The following GRID1 variants were observed in gnomAD, a reference collection of about 807,000 sequenced individuals.
GRID1 encodes glutamate receptor ionotropic, delta-1.
GRID1 carries 28 observed loss-of-function variants against 98.0 expected under a neutral mutation model. That is an observed-to-expected ratio of 0.29 (90% CI 0.21 to 0.39). GRID1 has a LOEUF of 0.39. GRID1 is among the 10% of genes least tolerant of loss of function. The pLI, the probability that GRID1 is intolerant of heterozygous loss-of-function variation, is 1.00. For synonymous variants in GRID1, 553 were observed against 538.5 expected (o/e 1.03, Z -0.37); for missense variants, 1,111 against 1,340.5 (o/e 0.83, Z 2.67).
At position 86,192,453 on chromosome 10, in the gene GRID1, C is replaced by T. The variant is rs371293534; in HGVS notation, c.520+13911G>A. 2.9e-3 allele frequency among the ~76,000 whole-genome samples: 435 copies of T among 151,980 alleles called. 2 individuals are homozygous for T. Among genetic ancestry groups the T allele is most frequent in the African/African-American group, 0.01 (419 of 41,408 alleles). ...CCAGTCTCAAGGAACAAATACGGTA[C>T]GAGTCCACTTATATGAGGCCCCTAG... On this transcript the variant is annotated intron_variant, in intron 3 of 15. Coordinates refer to ENST00000327946, the MANE Select transcript of GRID1 (RefSeq NM_017551.3). The surrounding 1 kb of genome is among the most constrained non-coding windows in gnomAD (Gnocchi z 4.8).
chr10:85,608,091 T>C (rs1001443669), intron 15 of GRID1, among the ~76,000 whole-genome samples: 4 of 152,062 alleles, frequency 2.6e-5, no homozygotes, highest in Admixed American at 1.3e-4. Context: ...GCTGGGATTA[T>C]AGGCATGCGC....
At chr10:85,818,821 G>T (rs1446858575) in intron 8 of GRID1, among the ~76,000 whole-genome samples, 2 of 151,974 alleles carry the variant, frequency 1.3e-5, no homozygotes. Context: ...CTGTTCAAGC[G>T]AGTCTCGTGC....
At chr10:85,926,909 T>C (rs1452136746) in intron 4 of GRID1, among the ~76,000 whole-genome samples, 1 of 152,218 alleles carries the variant, frequency 6.6e-6, no homozygotes, top group Non-Finnish European at 1.5e-5. Flanking sequence ...TATGAAATGG[T>C]ACAGAAAACA....
intron 8 of GRID1, among the ~76,000 whole-genome samples, chr10:85,848,225 GTATCAT>G (rs780123366): frequency 4.6e-4 from 70 of 152,118 alleles, no homozygotes; most frequent in Non-Finnish European, 9.3e-4. Context: ...TTGAAAATAT[GTATCAT>G]GTACATCAGG....
intron 5 of GRID1, among the ~76,000 whole-genome samples, chr10:85,898,227 C>T (rs960007494): frequency 6.6e-6 from 1 of 152,094 alleles, no homozygotes; most frequent in African/African-American, 2.4e-5. Flanking sequence ...TAAAAATATG[C>T]TATGAAAGAT....
At position 85,599,802 on chromosome 10, in the gene GRID1, A is replaced by AAAATATAT; in HGVS notation, c.*2470_*2471insATATATTT. The AAAATATAT allele has an allele frequency of 6.0e-3, 390 of 64,970 alleles. 13 individuals carry two copies. The highest frequency in any genetic ancestry group is 0.046 in the South Asian group (96 of 2,072). The allele number at this position is 64,970 out of a possible 1,614,324, so 4.0% of individuals were successfully genotyped here. ...GTAGAAAATTCTAAAAAAAAAAAAA[A>AAAATATAT]ATATATATATATATATATAAACATG... On this transcript the variant is annotated 3_prime_UTR_variant, in exon 16 of 16. Transcript: ENST00000327946.
intron 3 of GRID1, among the ~76,000 whole-genome samples, chr10:86,150,612 T>C (rs895988209): frequency 6.6e-6 from 1 of 152,198 alleles, no homozygotes; most frequent in South Asian, 2.1e-4. Flanking sequence ...GCCAAACCAA[T>C]GATGGCGTAA....
chr10:85,990,649 G>A (rs1842668708), intron 4 of GRID1, among the ~76,000 whole-genome samples: 1 of 152,186 alleles, frequency 6.6e-6, no homozygotes, highest in South Asian at 2.1e-4. Context: ...GAGGAAGGAA[G>A]GAAGAGAGGT....
At chr10:86,131,543 C>T (rs938729563) in intron 4 of GRID1, among the ~76,000 whole-genome samples, 1 of 152,118 alleles carries the variant, frequency 6.6e-6, no homozygotes, top group Non-Finnish European at 1.5e-5. Context: ...TTCTCTTTGA[C>T]CCCAGACAGG....
chr10:86,190,015 C>T (rs1845778562), intron 3 of GRID1, among the ~76,000 whole-genome samples: 1 of 152,152 alleles, frequency 6.6e-6, no homozygotes, highest in African/African-American at 2.4e-5. Context: ...CTCCCTCTGC[C>T]CAAGCCCTCC....
chr10:86,213,312 C>T (rs1033241539), intron 2 of GRID1, among the ~76,000 whole-genome samples: 1 of 152,164 alleles, frequency 6.6e-6, no homozygotes, highest in Non-Finnish European at 1.5e-5. Context: ...ACCTTGGCCA[C>T]ATGGCAGTCA....
At chr10:86,093,081 T>C (rs1280096504) in intron 4 of GRID1, among the ~76,000 whole-genome samples, 2 of 152,170 alleles carry the variant, frequency 1.3e-5, no homozygotes, top group Admixed American at 6.5e-5. Context: ...AAAAGGAACC[T>C]TCAAAACCAT....
chr10:85,647,304 G>T lies in GRID1; in HGVS notation c.2091C>A (p.Asn697Lys). 7 of 1,614,132 alleles carry T rather than the reference G, an allele frequency of 4.3e-6. No homozygotes were observed. Among genetic ancestry groups the T allele is most frequent in the Non-Finnish European group, 5.9e-6 (7 of 1,179,928 alleles). ...VYEYFRAKGTNPLEQDSTFAE... is the reference protein window; with the variant it reads ...VYEYFRAKGTKPLEQDSTFAE... ...CAAACGTGCTGTCCTGCTCCAGGGGGTTGGTGCCCTTGGCTCGGAAGTACT... is the reference window on the plus strand; with the variant it reads ...CAAACGTGCTGTCCTGCTCCAGGGGTTTGGTGCCCTTGGCTCGGAAGTACT... Residue 697 changes from asparagine (N) to lysine (K), a missense_variant, in exon 13 of 16, where the codon AAC (asparagine) becomes AAA (lysine). Coordinates refer to ENST00000327946, the MANE Select transcript of GRID1 (RefSeq NM_017551.3).
In GRID1 at chr10:85,846,718, G is replaced by A. The variant is rs150256362; in HGVS notation, c.1233+7778C>T. Among the ~76,000 whole-genome samples, 392 of 152,158 alleles carry A rather than the reference G, an allele frequency of 2.6e-3. 2 individuals carry two copies. Among genetic ancestry groups the A allele is most frequent in the African/African-American group, 9.1e-3 (379 of 41,508 alleles). ...ATAATAGGAATGAAGAGGGAGATAT[G>A]TCAACAGCTCAGTATTTTTTAAATT... On this transcript the variant is annotated intron_variant, in intron 8 of 15. Coordinates refer to ENST00000327946, the MANE Select transcript of GRID1 (RefSeq NM_017551.3).
At chr10:86,104,169 C>T (rs1295204225) in intron 4 of GRID1, among the ~76,000 whole-genome samples, 2 of 152,182 alleles carry the variant, frequency 1.3e-5, no homozygotes, top group Admixed American at 6.5e-5. Flanking sequence ...TGGAGACATA[C>T]GGACCAGGGT....
chr10:85,795,056 A>G (rs1463597458), intron 8 of GRID1, among the ~76,000 whole-genome samples: 1 of 152,236 alleles, frequency 6.6e-6, no homozygotes, highest in African/African-American at 2.4e-5. Flanking sequence ...ACTGACAGTC[A>G]TCCCACTGTA....
intron 8 of GRID1, among the ~76,000 whole-genome samples, chr10:85,784,203 C>T (rs1842405797): frequency 6.6e-6 from 1 of 152,216 alleles, no homozygotes; most frequent in African/African-American, 2.4e-5. Context: ...AATCATCTAG[C>T]TCAAGATGTT....
At chr10:85,620,643 A>G (rs1306214802) in intron 13 of GRID1, among the ~76,000 whole-genome samples, 1 of 152,142 alleles carries the variant, frequency 6.6e-6, no homozygotes, top group Non-Finnish European at 1.5e-5. Context: ...ACAGGGCTTG[A>G]CTGTTATGGT....
chr10:85,865,971 A>ACATATATATG lies in GRID1; in HGVS notation c.951+3038_951+3039insCATATATATG, dbSNP rs1564613351. Among the ~76,000 whole-genome samples the ACATATATATG allele has an allele frequency of 3.7e-5, 4 of 107,698 alleles. 1 individual carries two copies. Among genetic ancestry groups the ACATATATATG allele is most frequent in the South Asian group, 5.5e-4 (2 of 3,644 alleles). The allele number at this position is 107,698 out of a possible 152,430, so 70.7% of individuals were successfully genotyped here. ...CATATATATGGAGAGAGAGAGAGAG[A>ACATATATATG]GAGAGAGAGAGAGAGAGAGAGAGAG... On this transcript the variant is annotated intron_variant, in intron 6 of 15. Coordinates refer to ENST00000327946, the MANE Select transcript of GRID1 (RefSeq NM_017551.3).
Sources: allele counts gnomAD v4.1 joint callset (sites outside exome capture counted in the v4.1 genomes callset), GRCh38; gene constraint gnomAD v4.1.1; non-coding constraint Gnocchi (gnomAD v3.1); transcripts MANE v1.5; gene names NCBI Gene and HGNC (gene_info 2026-07-23, HGNC 2026-07-21).